OTULIN: variants seen among roughly 807,000 people sequenced by gnomAD.
OTULIN encodes the protein OTU deubiquitinase with linear linkage specificity.
OTULIN carries 15 observed loss-of-function variants against 39.6 expected under a neutral mutation model. The observed-to-expected ratio is 0.38, with a 90% CI of 0.25 to 0.58. The LOEUF (loss-of-function observed/expected upper bound fraction) is 0.58. Among genes scored for constraint, OTULIN ranks in the 20% least tolerant of loss-of-function variants. The pLI is 0.66. For missense variants in OTULIN, 319 were observed against 445.9 expected (o/e 0.72, Z 2.56); for synonymous variants, 156 against 170.3 (o/e 0.92, Z 0.65).
chr5:14,692,967 C>T lies in OTULIN; in HGVS notation c.978C>T (p.Asp326=), dbSNP rs752925884. 25 of 1,614,092 alleles carry T rather than the reference C, an allele frequency of 1.5e-5. No homozygotes were observed. In the East Asian group the frequency reaches 2.5e-4, roughly 16 times the overall value. The change falls in exon 7 of 7, where the codon GAC becomes GAT. Residue 326 remains aspartate, a synonymous_variant. Coordinates refer to ENST00000284274, the MANE Select transcript of OTULIN (RefSeq NM_138348.6). The stretch of plus-strand genomic sequence containing the variant: ...TCTACCCCACCGACCCACCCAAGGA[C>T]TGGCCAGTGGTAACGCTCATTGCTG... ...ITVYPTDPPK[D]WPVVTLIAED...
rs1158569980 is a variant in OTULIN, at chr5:14,681,450, A to C, written c.325-14A>C. On this transcript the variant is annotated splice_polypyrimidine_tract_variant and intron_variant, in intron 3 of 6. Coordinates refer to ENST00000284274, the MANE Select transcript of OTULIN (RefSeq NM_138348.6). ...AGTAACGACCATTTTGAATTCTTTC[A>C]TACCTTTTCCCAGGGCTATGAAGAG... The C allele has an allele frequency of 6.3e-7, 1 of 1,597,200 alleles. No homozygotes were observed. Among genetic ancestry groups the C allele is most frequent in the Non-Finnish European group, 8.5e-7 (1 of 1,173,606 alleles).
Position 14,671,836 on chromosome 5 carries a change from GAA to G in OTULIN, c.153-1805_153-1804del, listed in dbSNP as rs1431552106. Among the ~76,000 whole-genome samples the G allele has an allele frequency of 6.6e-5, 10 of 152,238 alleles. No homozygotes were observed. In the South Asian group the frequency reaches 2.1e-3, roughly 32 times the overall value. ...CTTTGCAACAGTGGATATAAAATGAGAATAAGAATAGCTTACTTAATTTTGAG... is the reference window on the plus strand; with the variant it reads ...CTTTGCAACAGTGGATATAAAATGAGTAAGAATAGCTTACTTAATTTTGAG... On this transcript the variant is annotated intron_variant, in intron 1 of 6. Coordinates refer to ENST00000284274, the MANE Select transcript of OTULIN (RefSeq NM_138348.6).
the OTULIN span, chr5:14,713,762 G>C: frequency 6.4e-7 from 1 of 1,552,374 alleles, no homozygotes; most frequent in African/African-American, 1.4e-5. This position sits in a 1 kb window ranked among gnomAD's most constrained non-coding sequence, Gnocchi z 4.4. Context: ...AGAGCCAGGG[G>C]CTGCCTAGGA....
At chr5:14,687,498 C>A (rs775696771) in intron 4 of OTULIN, 23 bp from the exon 5 acceptor site, 1 of 1,606,040 alleles carries the variant, frequency 6.2e-7, no homozygotes, top group South Asian at 1.1e-5. Flanking sequence ...ACTTCTTTAT[C>A]TCTTTGTTTC....
downstream of OTULIN, among the ~76,000 whole-genome samples, chr5:14,701,647 G>A (rs909159939): frequency 6.6e-6 from 1 of 152,022 alleles, no homozygotes; most frequent in African/African-American, 2.4e-5. Context: ...TGCCCTCCTC[G>A]TGTTGAGGGA....
chr5:14,701,617 A>G (rs1736797609), downstream of OTULIN, among the ~76,000 whole-genome samples: 1 of 152,150 alleles, frequency 6.6e-6, no homozygotes, highest in African/African-American at 2.4e-5. Context: ...CTTTTCAAAT[A>G]TCTACTCTTG....
intron 2 of OTULIN, among the ~76,000 whole-genome samples, chr5:14,675,278 G>T (rs766017483): frequency 8.1e-4 from 123 of 152,188 alleles, no homozygotes; most frequent in Non-Finnish European, 1.6e-3. Context: ...GTGCTCTTCT[G>T]TTTTGAGAAC....
chr5:14,668,614 G>A (rs925453957), intron 1 of OTULIN, among the ~76,000 whole-genome samples: 1 of 152,138 alleles, frequency 6.6e-6, no homozygotes, highest in Non-Finnish European at 1.5e-5. Context: ...GAGAGGCTAA[G>A]TTAAGTATGA....
chr5:14,690,349 C>A lies in OTULIN; in HGVS notation c.864+41C>A, dbSNP rs1338186448. 2.5e-6 allele frequency: 4 copies of A among 1,590,958 alleles called. No homozygotes were observed. The Admixed American group carries it at 7.1e-5, about 28-fold the overall frequency. On this transcript the variant is annotated intron_variant, in intron 6 of 6. Coordinates refer to ENST00000284274, the MANE Select transcript of OTULIN (RefSeq NM_138348.6). The surrounding 1 kb of genome is among the most constrained non-coding windows in gnomAD (Gnocchi z 4.5). ...GAGCATGTATTACCCCAAAATAAAG[C>A]AGCTTTACTGATCAAACTTGATGTC... is the stretch of plus-strand genomic sequence containing the variant.
the OTULIN span, chr5:14,707,215 C>T: frequency 6.6e-6 from 1 of 151,950 alleles, no homozygotes; most frequent in Non-Finnish European, 1.5e-5. Context: ...GAAAATATTT[C>T]TCAAGGAAAT....
At chr5:14,674,222 C>A (rs1324789264) in intron 2 of OTULIN, 1 of 153,504 alleles carries the variant, frequency 6.5e-6, no homozygotes, top group Non-Finnish European at 1.5e-5. Flanking sequence ...TTACCCCAAC[C>A]AGGACCCATT....
In OTULIN at chr5:14,693,326, T is replaced by C. The variant is rs1409366556; in HGVS notation, c.*278T>C. ...TATCTTCTCCAGAAGGCAAATACTTTTGTATCAGAGGAAACTCAGTTTTGG... is the reference window on the plus strand; with the variant it reads ...TATCTTCTCCAGAAGGCAAATACTTCTGTATCAGAGGAAACTCAGTTTTGG... On this transcript the variant is annotated 3_prime_UTR_variant, in exon 7 of 7. Transcript: ENST00000284274. The C allele has an allele frequency of 2.6e-5, 8 of 303,732 alleles. No homozygotes were observed. The highest frequency in any genetic ancestry group is 1.3e-4 in the South Asian group (1 of 7,738). 18.8% of individuals were successfully genotyped at this position (303,732 alleles called of 1,614,324 possible).
At chr5:14,711,823 T>C in the OTULIN span, among the ~76,000 whole-genome samples, 4 of 152,216 alleles carry the variant, frequency 2.6e-5, no homozygotes, top group East Asian at 7.7e-4. Context: ...GTTCTTACAA[T>C]AAATGGCCTC....
At chr5:14,692,771 G>A (rs1361129635) in intron 6 of OTULIN, 83 bp from the exon 7 acceptor site, 7 of 1,247,846 alleles carry the variant, frequency 5.6e-6, no homozygotes, top group Non-Finnish European at 8.1e-6. Flanking sequence ...GCTGTGCACT[G>A]TGGGATAATG....
intron 3 of OTULIN, among the ~76,000 whole-genome samples, chr5:14,680,766 TAAGAA>T (rs906122927): frequency 6.6e-6 from 1 of 152,168 alleles, no homozygotes; most frequent in East Asian, 1.9e-4. Flanking sequence ...ACACTTCACT[TAAGAA>T]AAGAAGGCGG....
the OTULIN span, chr5:14,711,263 G>A: frequency 1.2e-6 from 2 of 1,614,036 alleles, no homozygotes; most frequent in African/African-American, 1.3e-5. Context: ...TGTCTGTCAT[G>A]GCAGAGTCTT....
downstream of OTULIN, among the ~76,000 whole-genome samples, chr5:14,704,381 A>G (rs928589563): frequency 6.9e-5 from 10 of 145,888 alleles, no homozygotes; most frequent in Admixed American, 2.1e-4. Flanking sequence ...TGCTTTTCCC[A>G]TAAAGACTAA....
At chr5:14,704,901 C>T in the OTULIN span, 1 of 152,154 alleles carries the variant, frequency 6.6e-6, no homozygotes, top group Non-Finnish European at 1.5e-5. Flanking sequence ...TGAAACAAAG[C>T]ATATATAAAT....
At chr5:14,701,443 C>T (rs917798693), downstream of OTULIN, among the ~76,000 whole-genome samples, 2 of 152,134 alleles carry the variant, frequency 1.3e-5, no homozygotes, top group Admixed American at 1.3e-4. Context: ...ATTTGCCAGC[C>T]AGCCCCAATG....
Sources: gnomAD v4.1 joint callset for allele counts (sites outside exome capture counted in the v4.1 genomes callset) on GRCh38, gnomAD v4.1.1 for gene constraint, Gnocchi (gnomAD v3.1) non-coding constraint, MANE v1.5 for transcripts, NCBI Gene and HGNC (gene_info 2026-07-23, HGNC 2026-07-21) for gene names.